Variants in RIOK1 observed in about 807,000 individuals in gnomAD.
The protein encoded by RIOK1 is RIO kinase 1.
In RIOK1, 66 loss-of-function variants were observed where a neutral mutation model predicts 73.5. The ratio of observed to expected loss-of-function variants is 0.90; its 90% CI spans 0.74 to 1.10. The LOEUF is 1.10. RIOK1 is among the 50% of genes least tolerant of loss of function. RIOK1 has a pLI of 0.00. For missense variants in RIOK1, 658 were observed against 699.8 expected, an observed-to-expected ratio of 0.94 and a Z score of 0.67; for synonymous variants, 224 against 226.8, an observed-to-expected ratio of 0.99 and a Z score of 0.11.
At chr6:7,409,652 G>A (rs1250121612) in intron 12 of RIOK1, among the ~76,000 whole-genome samples, 1 of 151,658 alleles carries the variant, frequency 6.6e-6, no homozygotes, top group Admixed American at 6.6e-5. Flanking sequence ...TGTATTTTTA[G>A]TAGAGACGGA....
chr6:7,394,098 GGAGC>G (rs1407412546), intron 2 of RIOK1, among the ~76,000 whole-genome samples: 39 of 152,304 alleles, frequency 2.6e-4, no homozygotes, highest in Admixed American at 2.2e-3. Flanking sequence ...ACATCTTCCT[GGAGC>G]ATAAAGGTTA....
chr6:7,416,603 A>G (rs935574995), intron 16 of RIOK1, among the ~76,000 whole-genome samples: 5 of 149,508 alleles, frequency 3.3e-5, no homozygotes, highest in Non-Finnish European at 7.4e-5. Flanking sequence ...AGCCGAGATC[A>G]CGCCACTGCA....
chr6:7,397,689 T>G (rs891975366), intron 4 of RIOK1, among the ~76,000 whole-genome samples: 3 of 152,230 alleles, frequency 2.0e-5, no homozygotes, highest in Non-Finnish European at 2.9e-5. Context: ...TATCAGCTTT[T>G]TGAGATACAC....
intron 12 of RIOK1, among the ~76,000 whole-genome samples, chr6:7,405,810 TCTC>T (rs1159224323): frequency 3.3e-5 from 5 of 149,782 alleles, no homozygotes; most frequent in African/African-American, 1.2e-4. Flanking sequence ...TTTTTTTTCT[TCTC>T]CTGAGTCAAC....
intron 16 of RIOK1, among the ~76,000 whole-genome samples, chr6:7,416,445 G>A (rs576315539): frequency 4.9e-4 from 75 of 152,206 alleles, no homozygotes; most frequent in Non-Finnish European, 8.2e-4. Flanking sequence ...TCAGGAGATC[G>A]AGACCATCCT....
chr6:7,410,791 T>G (rs996353000), intron 13 of RIOK1, among the ~76,000 whole-genome samples: 1 of 152,192 alleles, frequency 6.6e-6, no homozygotes, highest in Non-Finnish European at 1.5e-5. Flanking sequence ...TCTAGAAATG[T>G]TATAGATTTT....
chr6:7,413,269 G>A (rs751440960), intron 15 of RIOK1, among the ~76,000 whole-genome samples: 1 of 152,116 alleles, frequency 6.6e-6, no homozygotes, highest in Non-Finnish European at 1.5e-5. Flanking sequence ...TGTGCTTCTT[G>A]ATGGTTTTAC....
At chr6:7,406,822 G>A (rs566121933) in intron 12 of RIOK1, among the ~76,000 whole-genome samples, 272 of 152,092 alleles carry the variant, frequency 1.8e-3, no homozygotes, top group Middle Eastern at 6.8e-3. Flanking sequence ...CACTACACCC[G>A]GCTAATTTGG....
chr6:7,404,388 G>A (rs773127174), intron 9 of RIOK1, 30 bp from the exon 10 acceptor site: 2 of 1,611,816 alleles, frequency 1.2e-6, no homozygotes, highest in Non-Finnish European at 1.7e-6. Flanking sequence ...CTTGTTCTTG[G>A]TCATTTTATC....
chr6:7,398,626 T>G, intron 4 of RIOK1, 72 bp from the exon 5 acceptor site: 5 of 1,123,998 alleles, frequency 4.4e-6, no homozygotes, highest in Non-Finnish European at 6.7e-6. Context: ...CATGAAATTA[T>G]CTACATTTAG....
chr6:7,393,637 T>G (rs1385516888), intron 2 of RIOK1, among the ~76,000 whole-genome samples: 1 of 152,206 alleles, frequency 6.6e-6, no homozygotes. Context: ...ATTAAAGAAA[T>G]GCAGATTAAA....
chr6:7,411,182 G>C, intron 13 of RIOK1, 150 bp from the exon 14 acceptor site: 1 of 696,992 alleles, frequency 1.4e-6, no homozygotes, highest in Non-Finnish European at 2.4e-6. Flanking sequence ...TCACAGATGG[G>C]ATACCAGTGT....
intron 14 of RIOK1, among the ~76,000 whole-genome samples, chr6:7,411,851 T>C (rs1371750444): frequency 6.6e-6 from 1 of 152,232 alleles, no homozygotes; most frequent in Non-Finnish European, 1.5e-5. Context: ...GGTGATTACG[T>C]AGGTCCTTAT....
intron 7 of RIOK1, 38 bp from the exon 8 acceptor site, chr6:7,402,779 T>A (rs1761645015): frequency 6.2e-7 from 1 of 1,603,266 alleles, no homozygotes; most frequent in Non-Finnish European, 8.5e-7. Flanking sequence ...AAAATAATAA[T>A]GGAATGATTG....
At chr6:7,410,322 G>T in intron 12 of RIOK1, 64 bp from the exon 13 acceptor site, 1 of 1,112,456 alleles carries the variant, frequency 9.0e-7, no homozygotes, top group East Asian at 2.4e-5. Context: ...TACCAAAACT[G>T]GGACATGGAT....
rs1761279564 is a variant in RIOK1 at position 7,389,837 on chromosome 6, G to T, written c.-166G>T. On this transcript the variant is annotated 5_prime_UTR_variant, in exon 1 of 17. Transcript: ENST00000379834. ...TTCCGGTTGGGGTGGCAGGGTGGTGGATCTGTCGGTCCCGTTTTCCCGTCG... is the reference window on the plus strand; with the variant it reads ...TTCCGGTTGGGGTGGCAGGGTGGTGTATCTGTCGGTCCCGTTTTCCCGTCG... 11 of 613,562 alleles carry T rather than the reference G, an allele frequency of 1.8e-5. No individual in the cohort carries two copies. Among genetic ancestry groups the T allele is most frequent in the East Asian group, 1.4e-4 (5 of 36,002 alleles). The allele number at this position is 613,562 out of a possible 1,614,324, so 38.0% of individuals were successfully genotyped here.
rs563129237 is a variant in RIOK1, at chr6:7,411,326, T to G, written c.1270-6T>G. On this transcript the variant is annotated splice_region_variant and splice_polypyrimidine_tract_variant and intron_variant, in intron 13 of 16. Transcript: ENST00000379834. ...CAGTTTTGATTTTGCTTTTCCTCTCTGTTAGGTGTTTAAGCGAGCATATAT... is the reference window on the plus strand; with the variant it reads ...CAGTTTTGATTTTGCTTTTCCTCTCGGTTAGGTGTTTAAGCGAGCATATAT... The G allele has an allele frequency of 2.5e-6, 4 of 1,613,692 alleles. No homozygotes were observed. Among genetic ancestry groups the G allele is most frequent in the East Asian group, 2.2e-5 (1 of 44,858 alleles).
chr6:7,409,878 C>T (rs898460729), intron 12 of RIOK1, among the ~76,000 whole-genome samples: 1 of 151,566 alleles, frequency 6.6e-6, no homozygotes, highest in African/African-American at 2.4e-5. Context: ...GTTTTACAAA[C>T]CAAAAGAACC....
intron 4 of RIOK1, among the ~76,000 whole-genome samples, chr6:7,397,125 A>G (rs971569556): frequency 6.6e-6 from 1 of 152,144 alleles, no homozygotes; most frequent in Non-Finnish European, 1.5e-5. Flanking sequence ...TTAGCCAGAC[A>G]TGGTGGTGCA....
Sources: allele counts gnomAD v4.1 joint callset (sites outside exome capture counted in the v4.1 genomes callset), GRCh38; gene constraint gnomAD v4.1.1; transcripts MANE v1.5; gene names NCBI Gene and HGNC (gene_info 2026-07-23, HGNC 2026-07-21).